The following HEMK2 variants were observed in gnomAD, a reference collection of about 807,000 sequenced individuals.
HEMK2 encodes methyltransferase HEMK2.
the HEMK2 span, among the ~76,000 whole-genome samples, chr21:28,643,976 G>C: frequency 6.6e-6 from 1 of 152,164 alleles, no homozygotes; most frequent in African/African-American, 2.4e-5. Flanking sequence ...ATGTGAGAAG[G>C]TTCCATGGGC....
the HEMK2 span, among the ~76,000 whole-genome samples, chr21:28,719,434 A>G: frequency 2.0e-5 from 3 of 152,154 alleles, no homozygotes; most frequent in Non-Finnish European, 2.9e-5. Context: ...TATAAATGGG[A>G]GTTCTCCTGC....
the HEMK2 span, among the ~76,000 whole-genome samples, chr21:28,704,649 T>TA: frequency 2.6e-5 from 4 of 151,716 alleles, no homozygotes; most frequent in East Asian, 1.9e-4. Context: ...AACAACCGTT[T>TA]AAAAAAAATT....
At chr21:28,745,243 C>T in the HEMK2 span, among the ~76,000 whole-genome samples, 5 of 152,112 alleles carry the variant, frequency 3.3e-5, no homozygotes, top group African/African-American at 1.2e-4. Flanking sequence ...ACTGTCATCT[C>T]GTGGTCAGTA....
At chr21:28,781,971 A>G in the HEMK2 span, among the ~76,000 whole-genome samples, 1 of 152,258 alleles carries the variant, frequency 6.6e-6, no homozygotes, top group Non-Finnish European at 1.5e-5. Flanking sequence ...TGGATTGTGC[A>G]GGATGTGAAC....
chr21:28,639,524 T>C, the HEMK2 span, among the ~76,000 whole-genome samples: 3 of 152,084 alleles, frequency 2.0e-5, no homozygotes, highest in Non-Finnish European at 4.4e-5. Context: ...ATAGTAAAGA[T>C]AGAAAGTGAT....
At chr21:28,749,714 G>A in the HEMK2 span, among the ~76,000 whole-genome samples, 1,228 of 152,284 alleles carry the variant, frequency 8.1e-3, 17 homozygotes, top group African/African-American at 0.028. Context: ...GCAATTTCAG[G>A]AGCAGGATGA....
the HEMK2 span, among the ~76,000 whole-genome samples, chr21:28,779,824 G>C: frequency 6.6e-6 from 1 of 152,066 alleles, no homozygotes; most frequent in Admixed American, 6.5e-5. Context: ...CTGAGACTTA[G>C]CTCCTGGCCT....
the HEMK2 span, among the ~76,000 whole-genome samples, chr21:28,832,973 T>A: frequency 6.6e-6 from 1 of 152,228 alleles, no homozygotes; most frequent in Non-Finnish European, 1.5e-5. Flanking sequence ...TAACACATTA[T>A]CTCATTTGGT....
At chr21:28,771,373 G>A in the HEMK2 span, among the ~76,000 whole-genome samples, 1 of 152,120 alleles carries the variant, frequency 6.6e-6, no homozygotes, top group Non-Finnish European at 1.5e-5. Context: ...GAGGTTATTT[G>A]CATCACTCTC....
At chr21:28,789,309 G>A in the HEMK2 span, among the ~76,000 whole-genome samples, 1 of 152,042 alleles carries the variant, frequency 6.6e-6, no homozygotes, top group Admixed American at 6.5e-5. Context: ...TTGGCTGTGA[G>A]GTGCTGAGAA....
chr21:28,836,384 A>C, the HEMK2 span, among the ~76,000 whole-genome samples: 1 of 152,218 alleles, frequency 6.6e-6, no homozygotes, highest in Admixed American at 6.5e-5. Context: ...ATCCAGAAAA[A>C]CTAAGCATCA....
At chr21:28,850,775 T>C in the HEMK2 span, among the ~76,000 whole-genome samples, 6 of 152,120 alleles carry the variant, frequency 3.9e-5, no homozygotes, top group Non-Finnish European at 8.8e-5. Context: ...ATAGGATAGA[T>C]GTGCATATAA....
the HEMK2 span, among the ~76,000 whole-genome samples, chr21:28,746,546 T>C: frequency 3.9e-5 from 6 of 152,046 alleles, no homozygotes; most frequent in African/African-American, 1.2e-4. Context: ...ATATGAGTGA[T>C]AAATGTAGCT....
chr21:28,619,138 G>A, the HEMK2 span, among the ~76,000 whole-genome samples: 1 of 152,140 alleles, frequency 6.6e-6, no homozygotes. Context: ...AAGGAGAGAA[G>A]CCTGGAGTGG....
chr21:28,840,537 G>A, the HEMK2 span, among the ~76,000 whole-genome samples: 2 of 151,928 alleles, frequency 1.3e-5, no homozygotes, highest in African/African-American at 4.8e-5. Flanking sequence ...ATCAAAAAGT[G>A]GGATAAAGAC....
chr21:28,762,866 G>T, the HEMK2 span, among the ~76,000 whole-genome samples: 2 of 152,082 alleles, frequency 1.3e-5, no homozygotes, highest in African/African-American at 4.8e-5. Context: ...TCCGTCATAT[G>T]GTGTTATAGC....
At chr21:28,670,544 C>T in the HEMK2 span, among the ~76,000 whole-genome samples, 1 of 152,284 alleles carries the variant, frequency 6.6e-6, no homozygotes, top group East Asian at 1.9e-4. Context: ...CATCTCAAGA[C>T]TCTTGGAGGC....
the HEMK2 span, among the ~76,000 whole-genome samples, chr21:28,698,160 A>C: frequency 2.0e-5 from 3 of 152,220 alleles, no homozygotes; most frequent in Non-Finnish European, 4.4e-5. Context: ...ATATGAATTT[A>C]GGAAACACAC....
the HEMK2 span, among the ~76,000 whole-genome samples, chr21:28,843,561 A>G: frequency 6.6e-6 from 1 of 152,162 alleles, no homozygotes; most frequent in Admixed American, 6.5e-5. Context: ...ACAAACTTCA[A>G]TCAGAACCCA....
Sources: allele counts gnomAD v4.1 joint callset (sites outside exome capture counted in the v4.1 genomes callset), GRCh38; gene constraint gnomAD v4.1.1; transcripts MANE v1.5; gene names NCBI Gene and HGNC (gene_info 2026-07-23, HGNC 2026-07-21).